DENND2B: variants seen among roughly 807,000 people sequenced by gnomAD.
The protein encoded by DENND2B is DENN domain containing 2B.
DENND2B carries 32 observed loss-of-function variants against 116.0 expected under a neutral mutation model. The observed-to-expected ratio is 0.28, with a 90% CI of 0.21 to 0.37. The LOEUF is 0.37. Ranked by LOEUF, DENND2B falls within the 10% of genes least tolerant of loss-of-function variation. DENND2B has a pLI of 1.00. For synonymous variants in DENND2B, 588 were observed against 583.9 expected (o/e 1.01, Z -0.10); for missense variants, 1,276 against 1,477.7 (o/e 0.86, Z 2.24).
chr11:8,893,241 C>T (rs2064056380), intron 1 of DENND2B, among the ~76,000 whole-genome samples: 1 of 152,096 alleles, frequency 6.6e-6, no homozygotes, highest in South Asian at 2.1e-4. Flanking sequence ...ATTGATGGGA[C>T]GTATCTCAAA....
intron 16 of DENND2B, 58 bp downstream of exon 16, chr11:8,698,875 G>C (rs1406494404): frequency 6.3e-7 from 1 of 1,586,598 alleles, no homozygotes; most frequent in African/African-American, 1.3e-5. Flanking sequence ...GTTGAGTAGT[G>C]TGTGTGATGG....
At chr11:8,718,361 T>C (rs1438559034) in intron 4 of DENND2B, 29 of 1,535,126 alleles carry the variant, frequency 1.9e-5, no homozygotes, top group Non-Finnish European at 2.2e-5. Context: ...GGACCTACTT[T>C]GGAGGGTGGG....
intron 1 of DENND2B, among the ~76,000 whole-genome samples, chr11:8,755,677 G>A (rs1028329358): frequency 7.2e-5 from 11 of 152,166 alleles, no homozygotes; most frequent in African/African-American, 2.7e-4. Flanking sequence ...TGGTAGAGAT[G>A]GGGTTTCTTT....
chr11:8,726,330 G>T, intron 3 of DENND2B, 121 bp from the exon 4 acceptor site: 1 of 1,329,462 alleles, frequency 7.5e-7, no homozygotes, highest in Non-Finnish European at 1.0e-6. Flanking sequence ...TTCTGAAAGA[G>T]CATCAAGGTG....
At chr11:8,733,136 G>A (rs1301875247) in intron 2 of DENND2B, among the ~76,000 whole-genome samples, 1 of 152,228 alleles carries the variant, frequency 6.6e-6, no homozygotes, top group Non-Finnish European at 1.5e-5. Context: ...TGACCAAAGA[G>A]GCTCTGCTCA....
chr11:8,758,853 C>A (rs757781363), intron 1 of DENND2B, among the ~76,000 whole-genome samples: 1 of 152,180 alleles, frequency 6.6e-6, no homozygotes, highest in Non-Finnish European at 1.5e-5. Context: ...CTCTAGCCTG[C>A]ATCCCAGCAG....
upstream of DENND2B, among the ~76,000 whole-genome samples, chr11:8,814,849 G>A (rs949584682): frequency 1.3e-5 from 2 of 152,206 alleles, no homozygotes; most frequent in Non-Finnish European, 2.9e-5. Context: ...CCGACAGGAA[G>A]AAGAAACTTA....
At position 8,693,804 on chromosome 11, in the gene DENND2B, C is replaced by G. The variant is rs1230369386; in HGVS notation, c.*292G>C. 2.9e-6 allele frequency: 1 copy of G among 340,338 alleles called. No homozygotes were observed. The highest frequency in any genetic ancestry group is 5.4e-6 in the Non-Finnish European group (1 of 185,412). The allele number at this position is 340,338 out of a possible 1,614,324, so 21.1% of individuals were successfully genotyped here. A position where few individuals can be genotyped will look rare whatever the true frequency, so the allele number is the denominator to read the frequency against. ...GCACAAAACTGGCCAGTCACGAGCA[C>G]CCAGCGAAACTTCATCCATGCTCTG... On this transcript the variant is annotated 3_prime_UTR_variant, in exon 20 of 20. Coordinates refer to ENST00000313726, the MANE Select transcript of DENND2B (RefSeq NM_213618.2).
At chr11:8,818,989 TAGA>T (rs1566013734) in intron 4 of DENND2B, among the ~76,000 whole-genome samples, 5 of 152,348 alleles carry the variant, frequency 3.3e-5, no homozygotes, top group African/African-American at 4.8e-5. Context: ...ACTTAATGTA[TAGA>T]AGAACAAAGC....
At chr11:8,732,258 C>T (rs1166236815) in intron 2 of DENND2B, among the ~76,000 whole-genome samples, 1 of 152,240 alleles carries the variant, frequency 6.6e-6, no homozygotes, top group East Asian at 1.9e-4. Flanking sequence ...AATGTTTTTA[C>T]ATATGTTAAC....
At chr11:8,853,489 G>C (rs539961397) in intron 3 of DENND2B, among the ~76,000 whole-genome samples, 1 of 152,258 alleles carries the variant, frequency 6.6e-6, no homozygotes, top group South Asian at 2.1e-4. Flanking sequence ...ACCAAATCTT[G>C]GGCTTTCCAG....
At chr11:8,831,754 A>T (rs899984484) in intron 4 of DENND2B, 3 of 152,192 alleles carry the variant, frequency 2.0e-5, no homozygotes, top group African/African-American at 7.2e-5. Context: ...ATAATTAAAA[A>T]TTTAAACTTA....
chr11:8,824,203 CTTTTT>C (rs140701230), intron 4 of DENND2B, among the ~76,000 whole-genome samples: 1 of 147,152 alleles, frequency 6.8e-6, no homozygotes, highest in African/African-American at 2.5e-5. Flanking sequence ...TGCCTGGCCT[CTTTTT>C]TTTTTTTTAA....
chr11:8,693,971 G>T lies in DENND2B; in HGVS notation c.*125C>A. 4.3e-6 allele frequency: 4 copies of T among 935,228 alleles called. No homozygotes were observed. The South Asian group carries it at 6.5e-5, about 15-fold the overall frequency. 57.9% of individuals were successfully genotyped at this position (935,228 alleles called of 1,614,324 possible). On this transcript the variant is annotated 3_prime_UTR_variant, in exon 20 of 20. Coordinates refer to ENST00000313726, the MANE Select transcript of DENND2B (RefSeq NM_213618.2). ...TGGGATATGATGAAGGCAGAGGTGG[G>T]CTGGCTTGGAGGATAGGATCTGTGG...
chr11:8,695,412 G>A (rs2040186113), intron 19 of DENND2B, 51 bp downstream of exon 19: 1 of 1,534,034 alleles, frequency 6.5e-7, no homozygotes, highest in Non-Finnish European at 9.0e-7. Context: ...AAATCTCCCA[G>A]CCCCTTCCTT....
upstream of DENND2B, among the ~76,000 whole-genome samples, chr11:8,875,724 T>A (rs924067142): frequency 1.3e-5 from 2 of 152,056 alleles, no homozygotes; most frequent in Non-Finnish European, 2.9e-5. Flanking sequence ...CCACCACACC[T>A]AGCTGACATT....
intron 11 of DENND2B, among the ~76,000 whole-genome samples, chr11:8,708,680 G>T (rs536315090): frequency 2.0e-5 from 3 of 152,284 alleles, no homozygotes; most frequent in African/African-American, 7.2e-5. Flanking sequence ...GGCCAGGCGC[G>T]GTGGCTCACG....
intron 1 of DENND2B, among the ~76,000 whole-genome samples, chr11:8,799,369 T>C (rs947047067): frequency 5.3e-5 from 8 of 152,090 alleles, no homozygotes; most frequent in African/African-American, 1.9e-4. Flanking sequence ...AATCAGGAGG[T>C]TGGAGAGAGG....
intron 1 of DENND2B, among the ~76,000 whole-genome samples, chr11:8,799,561 CTTTT>C (rs67190732): frequency 2.6e-5 from 3 of 114,054 alleles, no homozygotes; most frequent in Admixed American, 1.0e-4. Flanking sequence ...TCCTTTTTCT[CTTTT>C]TTTTTTTTTT....
Sources: gnomAD v4.1 joint callset for allele counts (sites outside exome capture counted in the v4.1 genomes callset) on GRCh38, gnomAD v4.1.1 for gene constraint, MANE v1.5 for transcripts, NCBI Gene and HGNC (gene_info 2026-07-23, HGNC 2026-07-21) for gene names.